The following TIPRL variants were observed in gnomAD, a reference collection of about 807,000 sequenced individuals.
TIPRL encodes TOR signaling pathway regulator, also known as TIP41-like protein.
TIPRL carries 10 observed loss-of-function variants against 32.3 expected under a neutral mutation model. The observed-to-expected ratio is 0.31, with a 90% CI of 0.19 to 0.52. The LOEUF is 0.52. TIPRL is among the 20% of genes least tolerant of loss of function. The pLI is 0.96. For missense variants in TIPRL, 250 were observed against 328.1 expected, an observed-to-expected ratio of 0.76 and a Z score of 1.84; for synonymous variants, 100 against 114.0, an observed-to-expected ratio of 0.88 and a Z score of 0.78.
intron 3 of TIPRL, among the ~76,000 whole-genome samples, chr1:168,190,630 G>A (rs1180347718): frequency 6.6e-6 from 1 of 152,134 alleles, no homozygotes; most frequent in African/African-American, 2.4e-5. Flanking sequence ...TAAAACAGCT[G>A]AGCATTTTGT....
chr1:168,187,809 CAA>C (rs1354666212), intron 3 of TIPRL, among the ~76,000 whole-genome samples: 4 of 151,954 alleles, frequency 2.6e-5, no homozygotes, highest in Non-Finnish European at 5.9e-5. Flanking sequence ...CCCATCTCTA[CAA>C]AAAATAGAAA....
At chr1:168,181,775 C>T (rs547567418) in intron 1 of TIPRL, among the ~76,000 whole-genome samples, 1 of 151,604 alleles carries the variant, frequency 6.6e-6, no homozygotes, top group South Asian at 2.1e-4. Context: ...ACAAATTTGC[C>T]TGAGGCCGGG....
Position 168,192,885 on chromosome 1 carries a change from A to AAAACAAAC in TIPRL, c.516+1401_516+1408dup, listed in dbSNP as rs34841229. 7.9e-4 allele frequency among the ~76,000 whole-genome samples: 120 copies of AAAACAAAC among 151,530 alleles called. No homozygotes were observed. In the Middle Eastern group the frequency reaches 0.024, roughly 30 times the overall value. On this transcript the variant is annotated intron_variant, in intron 4 of 6. Coordinates refer to ENST00000367833, the MANE Select transcript of TIPRL (RefSeq NM_152902.5). The stretch of plus-strand genomic sequence containing the variant: ...TGGGCAACAAGCGAGACTCCGTCTC[A>AAAACAAAC]AAACAAACAAACAAACAAACAAAAC...
At chr1:168,192,062 C>A in intron 4 of TIPRL, 1 of 961,498 alleles carries the variant, frequency 1.0e-6, no homozygotes, top group Non-Finnish European at 1.3e-6. Flanking sequence ...TTATTTAACT[C>A]TAATGAAGAC....
At chr1:168,180,228 AG>A in intron 1 of TIPRL, among the ~76,000 whole-genome samples, 1 of 151,892 alleles carries the variant, frequency 6.6e-6, no homozygotes, top group African/African-American at 2.4e-5. Flanking sequence ...AGCTGATGGG[AG>A]GAGAAATAAA....
At chr1:168,183,377 A>ATTTTTTTTTTTTTTTTT (rs55731463) in intron 1 of TIPRL, among the ~76,000 whole-genome samples, 11 of 129,782 alleles carry the variant, frequency 8.5e-5, no homozygotes, top group East Asian at 2.2e-4. Flanking sequence ...AATTCCTGTG[A>ATTTTTTTTTTTTTTTTT]TTTTTTTTTT....
chr1:168,189,679 TG>T (rs1243029098), intron 3 of TIPRL, among the ~76,000 whole-genome samples: 1 of 152,046 alleles, frequency 6.6e-6, no homozygotes, highest in Non-Finnish European at 1.5e-5. Context: ...ATTTTTTTTT[TG>T]TTGTATTTTT....
intron 3 of TIPRL, among the ~76,000 whole-genome samples, chr1:168,186,085 A>AG (rs1462496952): frequency 1.3e-5 from 2 of 149,350 alleles, no homozygotes. Flanking sequence ...AAAAAAAAAA[A>AG]AAAAAAAAAA....
chr1:168,179,687 T>C (rs1699937244), intron 1 of TIPRL, among the ~76,000 whole-genome samples: 2 of 151,252 alleles, frequency 1.3e-5, no homozygotes, highest in South Asian at 4.1e-4. Context: ...ATACACGGAG[T>C]GATGTGAGGT....
intron 6 of TIPRL, 51 bp from the exon 7 acceptor site, chr1:168,199,852 A>C: frequency 6.5e-7 from 1 of 1,544,728 alleles, no homozygotes; most frequent in South Asian, 1.3e-5. Context: ...CATTTGTAAA[A>C]AATTTCAGTA....
chr1:168,184,555 C>T (rs1700004709), intron 2 of TIPRL, among the ~76,000 whole-genome samples: 1 of 152,122 alleles, frequency 6.6e-6, no homozygotes, highest in Non-Finnish European at 1.5e-5. Context: ...TAAACCATGT[C>T]CTCAGGCTGT....
chr1:168,189,744 G>C (rs139931725), intron 3 of TIPRL, among the ~76,000 whole-genome samples: 171 of 152,298 alleles, frequency 1.1e-3, no homozygotes, highest in African/African-American at 3.9e-3. Context: ...GAGCTGAAAA[G>C]TATAAAGTTT....
At chr1:168,183,751 A>G (rs986421319) in intron 1 of TIPRL, 151 bp from the exon 2 acceptor site, 3 of 783,764 alleles carry the variant, frequency 3.8e-6, no homozygotes, top group African/African-American at 3.5e-5. Flanking sequence ...TGATGAAAGC[A>G]TTTTATAGAC....
At chr1:168,182,763 T>C (rs996276542) in intron 1 of TIPRL, among the ~76,000 whole-genome samples, 4 of 152,248 alleles carry the variant, frequency 2.6e-5, no homozygotes, top group South Asian at 2.1e-4. Flanking sequence ...TTTCCAGATA[T>C]ATTGGTTAGA....
intron 2 of TIPRL, among the ~76,000 whole-genome samples, chr1:168,184,493 T>A (rs1472473831): frequency 6.6e-6 from 1 of 152,232 alleles, no homozygotes; most frequent in African/African-American, 2.4e-5. Context: ...TTATTTACTT[T>A]GTGCCTAATA....
At chr1:168,197,715 TG>T (rs1200032207) in intron 5 of TIPRL, among the ~76,000 whole-genome samples, 4 of 152,028 alleles carry the variant, frequency 2.6e-5, no homozygotes, top group Non-Finnish European at 5.9e-5. Context: ...AATGGAGTGA[TG>T]GGGTTTCACC....
chr1:168,197,093 C>G (rs1302715990), intron 5 of TIPRL, among the ~76,000 whole-genome samples: 2 of 152,152 alleles, frequency 1.3e-5, no homozygotes, highest in African/African-American at 4.8e-5. Context: ...GTGGGTAGAT[C>G]ACCTGAGATC....
chr1:168,192,137 G>A lies in TIPRL; in HGVS notation c.516+637G>A, dbSNP rs1700106647. On this transcript the variant is annotated intron_variant, in intron 4 of 6. Coordinates refer to ENST00000367833, the MANE Select transcript of TIPRL (RefSeq NM_152902.5). ...GATAGGATCTGCAGACGGCAAGGTG[G>A]ATGTCATTTTTTAAAATGATCCATG... 4.4e-6 allele frequency: 6 copies of A among 1,360,574 alleles called. No individual in the cohort carries two copies. In the South Asian group the frequency reaches 6.9e-5, roughly 16 times the overall value. 84.3% of individuals were successfully genotyped at this position (1,360,574 alleles called of 1,614,324 possible). A position where few individuals can be genotyped will look rare whatever the true frequency, so the allele number is the denominator to read the frequency against.
chr1:168,179,947 G>T (rs1699939934), intron 1 of TIPRL, among the ~76,000 whole-genome samples: 1 of 152,082 alleles, frequency 6.6e-6, no homozygotes, highest in African/African-American at 2.4e-5. Flanking sequence ...GGAGCGTGAG[G>T]TACCATAGGG....
Sources: gnomAD v4.1 joint callset for allele counts (sites outside exome capture counted in the v4.1 genomes callset) on GRCh38, gnomAD v4.1.1 for gene constraint, MANE v1.5 for transcripts, NCBI Gene and HGNC (gene_info 2026-07-23, HGNC 2026-07-21) for gene names.